The following COP1 variants were observed in gnomAD, a reference collection of about 807,000 sequenced individuals.
COP1 encodes the protein E3 ubiquitin-protein ligase COP1.
COP1 carries 24 observed loss-of-function variants against 101.3 expected under a neutral mutation model. The ratio of observed to expected loss-of-function variants is 0.24; its 90% CI spans 0.17 to 0.33. COP1 has a LOEUF of 0.33. Ranked by LOEUF, COP1 falls within the 10% of genes least tolerant of loss-of-function variation. The pLI is 1.00. For missense variants in COP1, 663 were observed against 906.2 expected, an observed-to-expected ratio of 0.73 and a Z score of 3.45; for synonymous variants, 347 against 341.9, an observed-to-expected ratio of 1.01 and a Z score of -0.17.
At chr1:176,026,824 C>A (rs534384794) in intron 15 of COP1, among the ~76,000 whole-genome samples, 122 of 151,550 alleles carry the variant, frequency 8.1e-4, no homozygotes, top group Non-Finnish European at 1.4e-3. Context: ...CATTCAGAAG[C>A]CAAATTACAA....
At chr1:176,113,344 T>C (rs888061922) in intron 9 of COP1, among the ~76,000 whole-genome samples, 4 of 152,256 alleles carry the variant, frequency 2.6e-5, no homozygotes, top group African/African-American at 9.6e-5. Context: ...GTATATCTTC[T>C]TTTGAAAATG....
intron 8 of COP1, among the ~76,000 whole-genome samples, chr1:176,126,776 A>G (rs948050231): frequency 2.6e-5 from 4 of 152,180 alleles, no homozygotes; most frequent in African/African-American, 9.7e-5. Flanking sequence ...TTAAGTATCA[A>G]CTGAAATGAT....
intron 15 of COP1, among the ~76,000 whole-genome samples, chr1:176,023,262 G>A (rs1410076084): frequency 1.3e-5 from 2 of 152,090 alleles, no homozygotes; most frequent in Non-Finnish European, 2.9e-5. Flanking sequence ...GAAGAAACTA[G>A]CAAATGTTTA....
intron 18 of COP1, among the ~76,000 whole-genome samples, chr1:175,973,684 T>C (rs975418861): frequency 2.6e-5 from 4 of 152,178 alleles, no homozygotes; most frequent in Non-Finnish European, 2.9e-5. Flanking sequence ...ATTAGAGATG[T>C]GATATACATA....
chr1:176,196,160 GAA>G (rs1229867375), intron 1 of COP1, among the ~76,000 whole-genome samples: 3 of 152,074 alleles, frequency 2.0e-5, no homozygotes, highest in Admixed American at 6.6e-5. Flanking sequence ...TGTTGCTATT[GAA>G]AAGAGGGCCA....
chr1:176,038,205 T>G (rs1290007825), intron 14 of COP1, among the ~76,000 whole-genome samples: 1 of 152,134 alleles, frequency 6.6e-6, no homozygotes, highest in Non-Finnish European at 1.5e-5. Flanking sequence ...CTGCGAAACT[T>G]GCATGCTGAA....
At chr1:176,103,337 C>A (rs1683738348) in intron 9 of COP1, among the ~76,000 whole-genome samples, 2 of 152,190 alleles carry the variant, frequency 1.3e-5, no homozygotes, top group Admixed American at 1.3e-4. Flanking sequence ...CACACACCAA[C>A]CTCCAGGAAG....
intron 15 of COP1, among the ~76,000 whole-genome samples, chr1:176,016,113 T>C (rs1174146738): frequency 6.6e-6 from 1 of 152,114 alleles, no homozygotes; most frequent in Non-Finnish European, 1.5e-5. Context: ...AATACTGAGG[T>C]AGGAATTTCC....
intron 18 of COP1, among the ~76,000 whole-genome samples, chr1:175,984,331 G>A (rs548701551): frequency 6.6e-6 from 1 of 152,362 alleles, no homozygotes; most frequent in Non-Finnish European, 1.5e-5. Context: ...GCTTCAGAGG[G>A]TGCAAGCCCA....
intron 18 of COP1, among the ~76,000 whole-genome samples, chr1:175,951,762 C>A (rs1173338900): frequency 6.6e-6 from 1 of 151,402 alleles, no homozygotes; most frequent in Non-Finnish European, 1.5e-5. Context: ...CTGAAGCAGA[C>A]AGGAAAAAAG....
chr1:176,110,238 T>C (rs1392252190), intron 9 of COP1, among the ~76,000 whole-genome samples: 2 of 152,240 alleles, frequency 1.3e-5, no homozygotes, highest in African/African-American at 4.8e-5. Context: ...GACAAGTACC[T>C]ATTAAGCCAT....
intron 6 of COP1, among the ~76,000 whole-genome samples, chr1:176,137,636 A>C (rs12121832): frequency 0.068 from 10,328 of 152,248 alleles, 455 homozygotes; most frequent in Non-Finnish European, 0.087. Context: ...GCAGAACTGG[A>C]ATTCAAATTA....
chr1:176,174,007 A>AAAAAAAAAAAAAAAG lies in COP1; in HGVS notation c.565+1902_565+1903insCTTTTTTTTTTTTTT, dbSNP rs1456552067. On this transcript the variant is annotated intron_variant, in intron 3 of 19. Transcript: ENST00000367669. ...GTCTCAAAAAAAAAAAAAAAAAAAAAAGAGAATATATATAATGTAGGGGAT... is the reference window on the plus strand; with the variant it reads ...GTCTCAAAAAAAAAAAAAAAAAAAAAAAAAAAAAAAAAAAGAGAGAATATATATAATGTAGGGGAT... 1.1e-3 allele frequency among the ~76,000 whole-genome samples: 129 copies of AAAAAAAAAAAAAAAG among 121,982 alleles called. 12 individuals are homozygous for AAAAAAAAAAAAAAAG. The highest frequency in any genetic ancestry group is 2.0e-3 in the East Asian group (6 of 3,042). 80.0% of individuals were successfully genotyped at this position (121,982 alleles called of 152,430 possible). A position where few individuals can be genotyped will look rare whatever the true frequency, so the allele number is the denominator to read the frequency against.
intron 3 of COP1, among the ~76,000 whole-genome samples, chr1:176,167,215 T>C (rs34324858): frequency 1.2e-3 from 180 of 152,318 alleles, no homozygotes; most frequent in Non-Finnish European, 2.4e-3. Flanking sequence ...TGTCACAGCT[T>C]ACAAACAAGA....
At chr1:175,972,763 G>T (rs1653578830) in intron 18 of COP1, among the ~76,000 whole-genome samples, 1 of 152,004 alleles carries the variant, frequency 6.6e-6, no homozygotes, top group African/African-American at 2.4e-5. Context: ...ACTGCTCCCA[G>T]CCAAAAATGA....
chr1:176,190,783 T>C (rs562138859), intron 1 of COP1, among the ~76,000 whole-genome samples: 1 of 152,120 alleles, frequency 6.6e-6, no homozygotes, highest in Non-Finnish European at 1.5e-5. Context: ...TCCAACAAAC[T>C]AATATGTACA....
chr1:176,198,984 A>G (rs1383773387), intron 1 of COP1, among the ~76,000 whole-genome samples: 3 of 152,216 alleles, frequency 2.0e-5, no homozygotes, highest in Non-Finnish European at 4.4e-5. Flanking sequence ...AGAAATAAAT[A>G]CAAACCAAAT....
At chr1:176,008,637 C>CT (rs549126180) in intron 15 of COP1, among the ~76,000 whole-genome samples, 20 of 151,924 alleles carry the variant, frequency 1.3e-4, no homozygotes, top group Admixed American at 8.5e-4. Context: ...TTGTGTATAC[C>CT]TTTTTTTACT....
intron 19 of COP1, among the ~76,000 whole-genome samples, chr1:175,946,196 C>A (rs992028606): frequency 6.6e-6 from 1 of 152,128 alleles, no homozygotes; most frequent in Non-Finnish European, 1.5e-5. Flanking sequence ...AAACACTGAT[C>A]AGTTAAAAAA....
Sources: allele counts gnomAD v4.1 joint callset (sites outside exome capture counted in the v4.1 genomes callset), GRCh38; gene constraint gnomAD v4.1.1; transcripts MANE v1.5; gene names NCBI Gene and HGNC (gene_info 2026-07-23, HGNC 2026-07-21).